CCDC171: variants seen among roughly 807,000 people sequenced by gnomAD.
CCDC171 encodes coiled-coil domain containing 171, also known as coiled-coil domain-containing protein 171.
In CCDC171, 177 loss-of-function variants were observed where a neutral mutation model predicts 168.2. The observed-to-expected ratio is 1.05, with a 90% CI of 0.93 to 1.19. The LOEUF (loss-of-function observed/expected upper bound fraction) is 1.19. CCDC171 is among the 50% of genes most tolerant of loss of function. The pLI is 0.00. For missense variants in CCDC171, 1,991 were observed against 1,539.0 expected (o/e 1.29, Z -4.91); for synonymous variants, 687 against 540.8 (o/e 1.27, Z -3.75).
intron 16 of CCDC171, among the ~76,000 whole-genome samples, chr9:15,734,976 A>G (rs1222883263): frequency 6.6e-6 from 1 of 152,210 alleles, no homozygotes; most frequent in Admixed American, 6.5e-5. Flanking sequence ...GCCATTGTAA[A>G]GAAGCAATTA....
chr9:15,554,627 A>C (rs1053816096), intron 1 of CCDC171, among the ~76,000 whole-genome samples: 1 of 152,150 alleles, frequency 6.6e-6, no homozygotes, highest in African/African-American at 2.4e-5. Context: ...TGGTTGTCTC[A>C]GTCCCTTGGT....
At chr9:15,955,099 T>C (rs899331080) in intron 25 of CCDC171, among the ~76,000 whole-genome samples, 1 of 152,174 alleles carries the variant, frequency 6.6e-6, no homozygotes, top group Non-Finnish European at 1.5e-5. Flanking sequence ...TTTTCTGATT[T>C]TTTAAAAAAT....
At chr9:16,060,040 G>T (rs1310622455) in intron 1 of CCDC171, among the ~76,000 whole-genome samples, 3 of 152,162 alleles carry the variant, frequency 2.0e-5, no homozygotes, top group Non-Finnish European at 4.4e-5. Flanking sequence ...AAAAGCAACT[G>T]CCCAACCTCC....
At chr9:15,759,933 A>G (rs2056353098) in intron 18 of CCDC171, among the ~76,000 whole-genome samples, 3 of 152,072 alleles carry the variant, frequency 2.0e-5, no homozygotes, top group Admixed American at 2.0e-4. Flanking sequence ...TTTAGCTTTG[A>G]TTTGTAATTG....
At chr9:16,030,053 A>G (rs1370776003) in intron 6 of CCDC171, among the ~76,000 whole-genome samples, 1 of 152,226 alleles carries the variant, frequency 6.6e-6, no homozygotes, top group African/African-American at 2.4e-5. Context: ...CAAGAGGGCA[A>G]GGCGGCTCTC....
intron 18 of CCDC171, chr9:15,776,111 T>G (rs2057310692): frequency 6.6e-6 from 1 of 152,176 alleles, no homozygotes; most frequent in Non-Finnish European, 1.5e-5. Flanking sequence ...GATTGCCATA[T>G]AAAGCTACTT....
intron 18 of CCDC171, among the ~76,000 whole-genome samples, chr9:15,753,724 C>G (rs188509044): frequency 4.6e-4 from 70 of 152,168 alleles, no homozygotes; most frequent in African/African-American, 1.5e-3. Context: ...ATAGCAGGTT[C>G]AGGAAAACTT....
At chr9:15,564,458 T>G (rs564439414) in intron 2 of CCDC171, among the ~76,000 whole-genome samples, 1 of 152,390 alleles carries the variant, frequency 6.6e-6, no homozygotes, top group South Asian at 2.1e-4. Context: ...TTTTGTTTTC[T>G]TTAACCTCTG....
At chr9:15,618,872 T>C (rs1192103537) in intron 6 of CCDC171, among the ~76,000 whole-genome samples, 1 of 151,604 alleles carries the variant, frequency 6.6e-6, no homozygotes, top group Non-Finnish European at 1.5e-5. Flanking sequence ...ATGAACTGTG[T>C]ACCTCAGTTG....
chr9:15,574,269 T>A (rs1369067536), intron 3 of CCDC171, among the ~76,000 whole-genome samples: 1 of 152,060 alleles, frequency 6.6e-6, no homozygotes, highest in African/African-American at 2.4e-5. Flanking sequence ...TTCAGCCTCC[T>A]GCGTAGCTGG....
chr9:15,698,944 G>A (rs1316458491), intron 11 of CCDC171, among the ~76,000 whole-genome samples: 1 of 152,178 alleles, frequency 6.6e-6, no homozygotes, highest in Non-Finnish European at 1.5e-5. Flanking sequence ...TTATATGACA[G>A]TGCAGGTATC....
At chr9:16,001,931 G>C (rs1170409939) in intron 3 of CCDC171, among the ~76,000 whole-genome samples, 1 of 147,466 alleles carries the variant, frequency 6.8e-6, no homozygotes, top group Admixed American at 6.9e-5. Flanking sequence ...TTGACTTACT[G>C]TGCTCAAACA....
At chr9:15,689,736 A>C (rs2050655311) in intron 10 of CCDC171, among the ~76,000 whole-genome samples, 2 of 152,194 alleles carry the variant, frequency 1.3e-5, no homozygotes, top group South Asian at 4.1e-4. Flanking sequence ...GACTATGAAT[A>C]GCCAAAATAA....
chr9:15,573,436 C>T (rs2040391810), intron 3 of CCDC171, among the ~76,000 whole-genome samples: 1 of 151,964 alleles, frequency 6.6e-6, no homozygotes, highest in Admixed American at 6.6e-5. Context: ...CACGTGCCAC[C>T]ATGCCCGGCT....
intron 24 of CCDC171, among the ~76,000 whole-genome samples, chr9:15,880,626 G>GTTTTTTTTTT (rs57349228): frequency 1.7e-5 from 2 of 116,118 alleles, no homozygotes; most frequent in African/African-American, 6.2e-5. Flanking sequence ...CCGCCTAATT[G>GTTTTTTTTTT]TTTTTTTTTT....
chr9:15,562,667 G>A (rs536381442), intron 1 of CCDC171, among the ~76,000 whole-genome samples: 1 of 152,232 alleles, frequency 6.6e-6, no homozygotes, highest in Admixed American at 6.6e-5. Flanking sequence ...GGTAAATAGA[G>A]GTCTGTTTAT....
chr9:15,805,198 T>G (rs556682444), intron 21 of CCDC171, among the ~76,000 whole-genome samples: 159 of 152,288 alleles, frequency 1.0e-3, no homozygotes, highest in South Asian at 1.9e-3. Flanking sequence ...AGCCAACTCC[T>G]GGATTTGTTG....
intron 6 of CCDC171, among the ~76,000 whole-genome samples, chr9:15,611,434 C>T (rs2131852256): frequency 6.6e-6 from 1 of 152,220 alleles, no homozygotes; most frequent in Middle Eastern, 3.4e-3. Flanking sequence ...GGATGTGGAG[C>T]CCTTGCATTG....
chr9:15,885,948 A>T (rs989779869), intron 24 of CCDC171: 5 of 152,200 alleles, frequency 3.3e-5, no homozygotes, highest in African/African-American at 1.2e-4. Context: ...CATTATATAC[A>T]TGTATTTGAA....
Sources: gnomAD v4.1 joint callset for allele counts (sites outside exome capture counted in the v4.1 genomes callset) on GRCh38, gnomAD v4.1.1 for gene constraint, MANE v1.5 for transcripts, NCBI Gene and HGNC (gene_info 2026-07-23, HGNC 2026-07-21) for gene names.